SPATS2L: variants seen among roughly 807,000 people sequenced by gnomAD.
The protein encoded by SPATS2L is SPATS2-like protein.
A neutral mutation model predicts 59.6 loss-of-function variants in SPATS2L; 30 were observed. The observed-to-expected ratio is 0.50, with a 90% confidence interval of 0.38 to 0.68. SPATS2L has a LOEUF of 0.68. Among genes scored for constraint, SPATS2L ranks in the 30% least tolerant of loss-of-function variants. The probability of loss-of-function intolerance (pLI) is 0.00; values close to 1 mark genes in which losing one functional copy is unlikely to be tolerated. For synonymous variants in SPATS2L, 252 were observed against 263.5 expected, an observed-to-expected ratio of 0.96 and a Z score of 0.42; for missense variants, 615 against 700.0, an observed-to-expected ratio of 0.88 and a Z score of 1.37.
chr2:200,469,314 T>C (rs755781644), intron 10 of SPATS2L, among the ~76,000 whole-genome samples: 6 of 152,244 alleles, frequency 3.9e-5, no homozygotes, highest in Non-Finnish European at 7.3e-5. Context: ...CTAAACTCCC[T>C]GGTAAACTCA....
intron 2 of SPATS2L, among the ~76,000 whole-genome samples, chr2:200,368,861 T>C (rs914295003): frequency 7.9e-5 from 12 of 152,196 alleles, no homozygotes; most frequent in African/African-American, 2.9e-4. Flanking sequence ...TCTTGGCACA[T>C]AGCTGATACC....
In SPATS2L at chr2:200,477,752, C is replaced by T. The variant is rs753084696; in HGVS notation, c.1398C>T (p.Asn466=). 7 of 1,578,606 alleles carry T rather than the reference C, an allele frequency of 4.4e-6. No homozygotes were observed. The East Asian group carries it at 1.2e-4, about 26-fold the overall frequency. ...GNEAEPLGKG[N]SRHEHRRQPH... Reference sequence around the variant, plus strand: ...AAGCCGAGCCACTGGGAAAGGGCAACAGCCGCCACGAACACAGAAGACAGC... The same window carrying T: ...AAGCCGAGCCACTGGGAAAGGGCAATAGCCGCCACGAACACAGAAGACAGC... The change falls in exon 13 of 13, where the codon AAC becomes AAT. Residue 466 remains asparagine, a synonymous_variant. Coordinates refer to ENST00000409140, the MANE Select transcript of SPATS2L (RefSeq NM_001100423.2).
intron 9 of SPATS2L, among the ~76,000 whole-genome samples, chr2:200,464,062 T>C (rs2086422422): frequency 6.6e-6 from 1 of 152,242 alleles, no homozygotes; most frequent in Non-Finnish European, 1.5e-5. Context: ...AAGTCTTGAA[T>C]GCAGTGATAA....
rs74387285 is a variant in SPATS2L at position 200,476,470 on chromosome 2, T to C, written c.1282-1166T>C. Among the ~76,000 whole-genome samples, 700 of 152,372 alleles carry C rather than the reference T, an allele frequency of 4.6e-3. 3 individuals are homozygous for C. The highest frequency in any genetic ancestry group is 0.016 in the African/African-American group (666 of 41,590). On this transcript the variant is annotated intron_variant, in intron 12 of 12. Transcript: ENST00000409140. Reference sequence around the variant, plus strand: ...ACGTAATTAGAATTCCTATGCATGGTTTTGAACAGGAAATTTTCCTTGACC... The same window carrying C: ...ACGTAATTAGAATTCCTATGCATGGCTTTGAACAGGAAATTTTCCTTGACC...
intron 2 of SPATS2L, among the ~76,000 whole-genome samples, chr2:200,340,569 A>G (rs2080290412): frequency 6.6e-6 from 1 of 151,922 alleles, no homozygotes; most frequent in African/African-American, 2.4e-5. Context: ...GAGCGCTCAC[A>G]TGGAGGGGGT....
chr2:200,369,037 C>A, intron 2 of SPATS2L, among the ~76,000 whole-genome samples: 1 of 146,090 alleles, frequency 6.8e-6, no homozygotes, highest in African/African-American at 2.6e-5. Context: ...TCTAACAGTC[C>A]ATAACTGTTT....
intron 2 of SPATS2L, among the ~76,000 whole-genome samples, chr2:200,352,710 G>A (rs140920143): frequency 1.4e-3 from 214 of 152,200 alleles, no homozygotes; most frequent in Middle Eastern, 6.8e-3. Context: ...CTGAATTCAG[G>A]GTTCAGCTCT....
At chr2:200,391,243 C>T (rs774738752) in intron 3 of SPATS2L, among the ~76,000 whole-genome samples, 12 of 152,168 alleles carry the variant, frequency 7.9e-5, no homozygotes, top group Non-Finnish European at 1.6e-4. Context: ...TTTTCATATC[C>T]AATTACATTT....
chr2:200,394,679 C>T (rs2082277992), intron 3 of SPATS2L, among the ~76,000 whole-genome samples: 1 of 152,196 alleles, frequency 6.6e-6, no homozygotes, highest in Non-Finnish European at 1.5e-5. Context: ...CTCAAGTCTT[C>T]TTGAAAAATG....
At chr2:200,432,609 A>G (rs2084009040) in intron 6 of SPATS2L, among the ~76,000 whole-genome samples, 1 of 152,238 alleles carries the variant, frequency 6.6e-6, no homozygotes, top group Non-Finnish European at 1.5e-5. Flanking sequence ...TTTAAAAATT[A>G]CTAGACATGG....
intron 3 of SPATS2L, among the ~76,000 whole-genome samples, chr2:200,401,127 TC>T (rs1163251236): frequency 6.6e-5 from 10 of 152,130 alleles, no homozygotes; most frequent in African/African-American, 2.4e-4. Flanking sequence ...GTCTGACTGT[TC>T]CACCATGCTT....
chr2:200,370,610 T>C (rs571464628), intron 2 of SPATS2L, among the ~76,000 whole-genome samples: 2 of 152,344 alleles, frequency 1.3e-5, no homozygotes, highest in African/African-American at 4.8e-5. Context: ...TATTGAACTC[T>C]TATGTGTCAA....
At chr2:200,469,687 CAA>C (rs2086880200) in intron 10 of SPATS2L, 2 of 480,526 alleles carry the variant, frequency 4.2e-6, no homozygotes, top group African/African-American at 3.9e-5. Context: ...TAGGCCCAAA[CAA>C]GAGAAACACA....
chr2:200,428,541 T>C (rs865961126), intron 6 of SPATS2L, among the ~76,000 whole-genome samples: 2 of 152,184 alleles, frequency 1.3e-5, no homozygotes, highest in African/African-American at 4.8e-5. Context: ...TGTCCTTAGA[T>C]TATTTCAGCC....
At position 200,478,212 on chromosome 2, in the gene SPATS2L, C is replaced by A; in HGVS notation, c.*181C>A. 1 of 559,216 alleles carries A rather than the reference C, an allele frequency of 1.8e-6. No individual in the cohort carries two copies. The highest frequency in any genetic ancestry group is 2.8e-6 in the Non-Finnish European group (1 of 354,670). 34.6% of individuals were successfully genotyped at this position (559,216 alleles called of 1,614,324 possible). A position where few individuals can be genotyped will look rare whatever the true frequency, so the allele number is the denominator to read the frequency against. ...CTAGCTTGCTTCATAATTTTCATGG[C>A]TTTGCTTGATCTGTTGATGCTTTCT... is the stretch of plus-strand genomic sequence containing the variant. On this transcript the variant is annotated 3_prime_UTR_variant, in exon 13 of 13. Transcript: ENST00000409140.
At chr2:200,371,608 A>G (rs1408499483) in intron 2 of SPATS2L, among the ~76,000 whole-genome samples, 1 of 152,202 alleles carries the variant, frequency 6.6e-6, no homozygotes, top group Non-Finnish European at 1.5e-5. Context: ...GACTATGTCA[A>G]ATGAGGAATA....
chr2:200,332,486 A>G (rs1370297019), intron 2 of SPATS2L, among the ~76,000 whole-genome samples: 2 of 152,168 alleles, frequency 1.3e-5, no homozygotes, highest in Non-Finnish European at 1.5e-5. Flanking sequence ...GGCTTAAGCG[A>G]TCCTCCCACC....
At chr2:200,348,753 G>A (rs989820539) in intron 2 of SPATS2L, among the ~76,000 whole-genome samples, 2 of 152,130 alleles carry the variant, frequency 1.3e-5, no homozygotes, top group African/African-American at 4.8e-5. Flanking sequence ...GGCCTGGAAA[G>A]CTCCTAGCTC....
At chr2:200,470,057 C>G in intron 11 of SPATS2L, 41 bp downstream of exon 11, 2 of 1,502,896 alleles carry the variant, frequency 1.3e-6, no homozygotes, top group Non-Finnish European at 1.8e-6. Flanking sequence ...GTGTGAGTAA[C>G]CTTGGTGCTA....
Sources: gnomAD v4.1 joint callset for allele counts (sites outside exome capture counted in the v4.1 genomes callset) on GRCh38, gnomAD v4.1.1 for gene constraint, MANE v1.5 for transcripts, NCBI Gene and HGNC (gene_info 2026-07-23, HGNC 2026-07-21) for gene names.